The following ASB2 variants were observed in gnomAD, a reference collection of about 807,000 sequenced individuals.
ASB2 encodes the protein ankyrin repeat and SOCS box protein 2.
A neutral mutation model predicts 62.4 loss-of-function variants in ASB2; 58 were observed. That is an observed-to-expected ratio of 0.93 (90% CI 0.75 to 1.16). The LOEUF is 1.16. Ranked by LOEUF, ASB2 falls within the 50% of genes most tolerant of loss-of-function variation. ASB2 has a pLI of 0.00. For synonymous variants in ASB2, 386 were observed against 385.3 expected (o/e 1.00, Z -0.02); for missense variants, 928 against 887.9 (o/e 1.05, Z -0.57).
At chr14:93,936,273 A>G (rs1298749563) in intron 9 of ASB2, among the ~76,000 whole-genome samples, 3 of 152,228 alleles carry the variant, frequency 2.0e-5, no homozygotes, top group African/African-American at 7.2e-5. Context: ...AGTAACCCAA[A>G]TAGATATTGG....
intron 1 of ASB2, among the ~76,000 whole-genome samples, chr14:93,972,551 G>A (rs180845367): frequency 6.6e-5 from 10 of 152,346 alleles, no homozygotes; most frequent in African/African-American, 2.4e-4. Context: ...GGCCTGGAAT[G>A]TATGTGGTAC....
rs755893250 is a variant in ASB2 at position 93,939,335 on chromosome 14, C to A, written c.1390G>T (p.Gly464Cys). 1.2e-6 allele frequency: 2 copies of A among 1,610,890 alleles called. No homozygotes were observed. Among genetic ancestry groups the A allele is most frequent in the Non-Finnish European group, 1.7e-6 (2 of 1,178,332 alleles). Residue 464 changes from glycine (G) to cysteine (C), a missense_variant, in exon 8 of 10, where the codon GGC (glycine) becomes TGC (cysteine). Gly to Cys is a radical substitution (Grantham distance 159). Transcript: ENST00000555019. Reference sequence around the variant, plus strand: ...GCGATATAGGCGTCGATGTTCGCGCCGTGGTCCAGCAGCAGCTGCATTGTG... The same window carrying A: ...GCGATATAGGCGTCGATGTTCGCGCAGTGGTCCAGCAGCAGCTGCATTGTG... The part of the protein sequence containing the change: ...LRTMQLLLDH[G>C]ANIDAYIATH...
chr14:93,956,624 C>A lies in ASB2; in HGVS notation c.311+142G>T. ...GAGCAGTGGGGCCCCAGGGGGGCAC[C>A]CCTAGAAGGAGCGTGCCTGGCAGGT... is the stretch of plus-strand genomic sequence containing the variant. On this transcript the variant is annotated intron_variant, in intron 3 of 9. Transcript: ENST00000555019. 3 of 1,130,966 alleles carry A rather than the reference C, an allele frequency of 2.7e-6. No individual in the cohort carries two copies. In the East Asian group the frequency reaches 7.6e-5, roughly 29 times the overall value. 70.1% of individuals were successfully genotyped at this position (1,130,966 alleles called of 1,614,324 possible).
intron 1 of ASB2, among the ~76,000 whole-genome samples, chr14:93,971,316 C>A (rs766553612): frequency 4.7e-4 from 71 of 152,176 alleles, no homozygotes; most frequent in Non-Finnish European, 9.4e-4. Context: ...AGCTTGGGTG[C>A]AGGATGGATT....
chr14:93,937,548 G>C (rs887151464), intron 9 of ASB2, 150 bp downstream of exon 9: 1 of 795,474 alleles, frequency 1.3e-6, no homozygotes, highest in African/African-American at 1.7e-5. Context: ...CTCTCTGAGA[G>C]GCAGATTCCT....
intron 1 of ASB2, among the ~76,000 whole-genome samples, chr14:93,971,640 A>G (rs1032359920): frequency 6.6e-6 from 1 of 152,164 alleles, no homozygotes; most frequent in African/African-American, 2.4e-5. Context: ...GTATGGGGAG[A>G]ATCATAACCA....
intron 7 of ASB2, among the ~76,000 whole-genome samples, chr14:93,940,903 T>A (rs1240159998): frequency 6.6e-6 from 1 of 152,214 alleles, no homozygotes; most frequent in Admixed American, 6.5e-5. Context: ...GAGCCAGGAT[T>A]TGAACCCAGG....
Position 93,951,225 on chromosome 14 carries a change from C to A in ASB2, c.654G>T (p.Ala218=). The change falls in exon 6 of 10, where the codon GCG becomes GCT. Residue 218 remains alanine (A), a synonymous_variant. Coordinates refer to ENST00000555019, the MANE Select transcript of ASB2 (RefSeq NM_001202429.2). The stretch of plus-strand genomic sequence containing the variant: ...GCTGCACCAGAATCTTCACGGCCTC[C>A]GCGTTCTTGCGCTCGCAGGCTGTGC... ...PLYKACERKN[A]EAVKILVQHN... is the part of the protein sequence containing the mutation. 6.2e-7 allele frequency: 1 copy of A among 1,603,782 alleles called. No individual in the cohort carries two copies. The highest frequency in any genetic ancestry group is 1.1e-5 in the South Asian group (1 of 90,896).
intron 3 of ASB2, among the ~76,000 whole-genome samples, chr14:93,956,193 T>C (rs1365544863): frequency 2.0e-5 from 3 of 152,180 alleles, no homozygotes; most frequent in African/African-American, 2.4e-5. Flanking sequence ...AAGGAGCGCA[T>C]TAGCCCTGCC....
chr14:93,952,555 T>C (rs1889009342), intron 5 of ASB2, among the ~76,000 whole-genome samples: 1 of 152,244 alleles, frequency 6.6e-6, no homozygotes, highest in Non-Finnish European at 1.5e-5. Flanking sequence ...CTTCAGCATG[T>C]AGGCATGGAC....
At chr14:93,959,800 CTCTG>C (rs1049731231) in intron 2 of ASB2, among the ~76,000 whole-genome samples, 8 of 151,860 alleles carry the variant, frequency 5.3e-5, no homozygotes, top group African/African-American at 1.9e-4. Flanking sequence ...TGGATGGCTG[CTCTG>C]TCTGAGTTAG....
At chr14:93,948,793 G>A (rs939753956) in intron 6 of ASB2, among the ~76,000 whole-genome samples, 1 of 152,168 alleles carries the variant, frequency 6.6e-6, no homozygotes, top group Non-Finnish European at 1.5e-5. Flanking sequence ...GCCCCTGGCC[G>A]GGCATGGTGG....
At chr14:93,962,633 C>A (rs1889452923) in intron 2 of ASB2, among the ~76,000 whole-genome samples, 1 of 152,170 alleles carries the variant, frequency 6.6e-6, no homozygotes. Context: ...ATTTCCTTAC[C>A]CTCCAGATGA....
chr14:93,943,402 T>C (rs990030925), intron 7 of ASB2, among the ~76,000 whole-genome samples: 2 of 152,132 alleles, frequency 1.3e-5, no homozygotes, highest in African/African-American at 4.8e-5. Flanking sequence ...CGGAGCACTT[T>C]GGGAGGCTGA....
In ASB2 at chr14:93,976,508, C is replaced by G. The variant is rs1324260351; in HGVS notation, c.-148G>C. The G allele has an allele frequency of 4.6e-5, 7 of 152,220 alleles. No homozygotes were observed. Among genetic ancestry groups the G allele is most frequent in the Non-Finnish European group, 1.0e-4 (7 of 68,044 alleles). The allele number at this position is 152,220 out of a possible 1,614,324, so 9.4% of individuals were successfully genotyped here. On this transcript the variant is annotated 5_prime_UTR_variant, in exon 1 of 10. It removes an upstream start codon present in the reference 5' UTR. Coordinates refer to ENST00000555019, the MANE Select transcript of ASB2 (RefSeq NM_001202429.2). ...TTCTTGAAAGTGTCTTAATTCAGAA[C>G]ATGCTCCCCGAGTTTTCCTTCTGCC...
intron 3 of ASB2, among the ~76,000 whole-genome samples, chr14:93,956,188 G>A (rs74974054): frequency 0.016 from 2,433 of 152,300 alleles, 31 homozygotes; most frequent in African/African-American, 0.018. Context: ...TTTCTAAGGA[G>A]CGCATTAGCC....
intron 1 of ASB2, among the ~76,000 whole-genome samples, chr14:93,966,512 A>G (rs929263692): frequency 2.0e-5 from 3 of 152,198 alleles, no homozygotes; most frequent in Admixed American, 1.3e-4. Context: ...GGCAGCAGCC[A>G]TCTTGTGACC....
At chr14:93,967,560 C>T (rs947160832) in intron 1 of ASB2, among the ~76,000 whole-genome samples, 17 of 152,220 alleles carry the variant, frequency 1.1e-4, no homozygotes, top group Admixed American at 2.0e-4. Context: ...CCTGCTAAGG[C>T]CAAAGTGCTT....
chr14:93,964,469 C>T lies in ASB2; in HGVS notation c.71G>A (p.Ser24Asn). ...IGQEEYSLYS[S>N]LSEDELVQMA... ...CTGCACCAGTTCATCCTCGCTCAGG[C>T]TGCTGTACAGGCTGTACTCCTCCTG... The change falls in exon 2 of 10, where the codon AGC becomes AAC. Residue 24 changes from serine (S) to asparagine (N), a missense_variant. Physicochemically the swap from Ser to Asn is conservative, Grantham distance 46. Transcript: ENST00000555019. 6.5e-7 allele frequency: 1 copy of T among 1,536,152 alleles called. No individual in the cohort carries two copies. The highest frequency in any genetic ancestry group is 8.7e-7 in the Non-Finnish European group (1 of 1,146,912).
Sources: allele counts gnomAD v4.1 joint callset (sites outside exome capture counted in the v4.1 genomes callset), GRCh38; gene constraint gnomAD v4.1.1; transcripts MANE v1.5; gene names NCBI Gene and HGNC (gene_info 2026-07-23, HGNC 2026-07-21).